EXO5: variants seen among roughly 807,000 people sequenced by gnomAD.
The protein encoded by EXO5 is exonuclease 5.
Under a neutral mutation model 17.8 loss-of-function variants are expected in EXO5, and 11 were observed. That is an observed-to-expected ratio of 0.62 (90% CI 0.39 to 1.02). EXO5 has a LOEUF of 1.02. Among genes scored for constraint, EXO5 ranks in the 50% least tolerant of loss-of-function variants. The pLI, the probability that EXO5 is intolerant of heterozygous loss-of-function variation, is 0.00. For synonymous variants in EXO5, 147 were observed against 166.5 expected, an observed-to-expected ratio of 0.88 and a Z score of 0.90; for missense variants, 364 against 434.8, an observed-to-expected ratio of 0.84 and a Z score of 1.45.
chr1:40,513,663 C>G (rs1178081224), intron 3 of EXO5, among the ~76,000 whole-genome samples: 1 of 150,858 alleles, frequency 6.6e-6, no homozygotes, highest in Non-Finnish European at 1.5e-5. Context: ...AGTCTCGGCT[C>G]ACTGCAACTT....
chr1:40,512,161 A>G (rs1043877803), intron 3 of EXO5, among the ~76,000 whole-genome samples: 13 of 152,054 alleles, frequency 8.5e-5, no homozygotes, highest in South Asian at 4.2e-4. Flanking sequence ...ACAGGCGTGA[A>G]CCACTGCGCT....
chr1:40,512,585 T>C (rs1299084014), intron 3 of EXO5, among the ~76,000 whole-genome samples: 2 of 152,202 alleles, frequency 1.3e-5, no homozygotes, highest in African/African-American at 4.8e-5. Context: ...TTCTTTCTAC[T>C]TCTCTGTATG....
Position 40,515,400 on chromosome 1 carries a change from G to T in EXO5, c.856G>T (p.Val286Phe). 1 of 1,614,038 alleles carries T rather than the reference G, an allele frequency of 6.2e-7. No homozygotes were observed. Among genetic ancestry groups the T allele is most frequent in the Non-Finnish European group, 8.5e-7 (1 of 1,180,012 alleles). The change falls in exon 4 of 4, where the codon GTT becomes TTT. Residue 286 changes from valine to phenylalanine, a missense_variant. By Grantham distance (50) the Val-to-Phe change is conservative. Transcript: ENST00000415550. ...FLSLTLSDLP[V>F]IDILKIEYIH... Reference sequence around the variant, plus strand: ...GTCTCTAACACTGTCAGACCTCCCAGTTATTGATATCTTGAAGATTGAGTA... The same window carrying T: ...GTCTCTAACACTGTCAGACCTCCCATTTATTGATATCTTGAAGATTGAGTA...
Position 40,515,011 on chromosome 1 carries a change from C to T in EXO5, c.467C>T (p.Thr156Ile). 6.2e-7 allele frequency: 1 copy of T among 1,614,114 alleles called. No homozygotes were observed. The highest frequency in any genetic ancestry group is 8.5e-7 in the Non-Finnish European group (1 of 1,180,030). ...CTGAACATACTTTTGCTGATTCCTA[C>T]CCTGCAGTCAGAAGGGCACATCAGA... ...KFLNILLLIP[T>I]LQSEGHIREF... Residue 156 changes from threonine (T) to isoleucine (I), a missense_variant, in exon 4 of 4, where the codon ACC becomes ATC. Coordinates refer to ENST00000415550, the MANE Select transcript of EXO5 (RefSeq NM_001346953.2).
chr1:40,515,742 G>C lies in EXO5; in HGVS notation c.*76G>C, dbSNP rs916978822. The C allele has an allele frequency of 6.7e-7, 1 of 1,485,620 alleles. No individual in the cohort carries two copies. The highest frequency in any genetic ancestry group is 9.1e-7 in the Non-Finnish European group (1 of 1,103,818). 92.0% of individuals were successfully genotyped at this position (1,485,620 alleles called of 1,614,324 possible). A position where few individuals can be genotyped will look rare whatever the true frequency, so the allele number is the denominator to read the frequency against. ...TAAGCAAAAGAGGACCAGTCTCTGA[G>C]CTTGGCTTTTATGGAGAGTGTTCTT... On this transcript the variant is annotated 3_prime_UTR_variant, in exon 4 of 4. Coordinates refer to ENST00000415550, the MANE Select transcript of EXO5 (RefSeq NM_001346953.2).
intron 3 of EXO5, among the ~76,000 whole-genome samples, chr1:40,510,775 ATTTTAT>A (rs1306383079): frequency 6.6e-6 from 1 of 152,174 alleles, no homozygotes; most frequent in African/African-American, 2.4e-5. Flanking sequence ...TGTGAATTTT[ATTTTAT>A]TTTAATTAAA....
chr1:40,509,245 C>G (rs1645725716), intron 1 of EXO5: 1 of 152,432 alleles, frequency 6.6e-6, no homozygotes. Flanking sequence ...GGCAAACGCC[C>G]GCGGAGCCCA....
Position 40,514,787 on chromosome 1 carries a change from A to G in EXO5, c.243A>G (p.Leu81=), listed in dbSNP as rs918491703. The change falls in exon 4 of 4, where the codon TTA becomes TTG. Residue 81 remains leucine (L), a synonymous_variant. Transcript: ENST00000415550. Reference sequence around the variant, plus strand: ...TGGAGAGATTCCACCTTAAATATTTATATGTCACTGACCTGGCTACTCAGA... The same window carrying G: ...TGGAGAGATTCCACCTTAAATATTTGTATGTCACTGACCTGGCTACTCAGA... ...SPMERFHLKY[L]YVTDLATQNW... 1 of 1,614,182 alleles carries G rather than the reference A, an allele frequency of 6.2e-7. No individual in the cohort carries two copies. Among genetic ancestry groups the G allele is most frequent in the Non-Finnish European group, 8.5e-7 (1 of 1,180,032 alleles).
In EXO5 at chr1:40,515,022, G is replaced by C. The variant is rs953345007; in HGVS notation, c.478G>C (p.Glu160Gln). The C allele has an allele frequency of 6.8e-6, 11 of 1,614,048 alleles. No homozygotes were observed. Among genetic ancestry groups the C allele is most frequent in the African/African-American group, 1.3e-5 (1 of 74,920 alleles). ...ILLLIPTLQS[E>Q]GHIREFPVFG... ...TTTGCTGATTCCTACCCTGCAGTCA[G>C]AAGGGCACATCAGAGAGTTTCCAGT... is the stretch of plus-strand genomic sequence containing the variant. Residue 160 changes from glutamate to glutamine, a missense_variant, in exon 4 of 4, where the codon GAA (glutamate) becomes CAA (glutamine). Glu to Gln is a conservative substitution (Grantham distance 29). Transcript: ENST00000415550.
intron 3 of EXO5, among the ~76,000 whole-genome samples, chr1:40,513,148 A>G (rs1392152867): frequency 6.6e-6 from 1 of 152,176 alleles, no homozygotes. Context: ...GGAGGGAGAA[A>G]ATAAACTTAA....
Position 40,515,369 on chromosome 1 carries a change from C to T in EXO5, c.825C>T (p.Val275=). The T allele has an allele frequency of 6.2e-7, 1 of 1,614,020 alleles. No homozygotes were observed. Among genetic ancestry groups the T allele is most frequent in the Admixed American group, 1.7e-5 (1 of 59,998 alleles). ...CTTTGGGTGACCTCATGGAACTTGT[C>T]TTCTTGTCTCTAACACTGTCAGACC... ...VKSLGDLMEL[V]FLSLTLSDLP... Residue 275 remains valine (V), a synonymous_variant, in exon 4 of 4, where the codon GTC becomes GTT. Transcript: ENST00000415550.
Position 40,514,620 on chromosome 1 carries a change from C to T in EXO5, c.76C>T (p.Leu26=). Residue 26 remains leucine (L), a synonymous_variant, in exon 4 of 4, where the codon CTG becomes TTG. Coordinates refer to ENST00000415550, the MANE Select transcript of EXO5 (RefSeq NM_001346953.2). The part of the protein sequence containing the change: ...GFSDLSDSEF[L]EFLDLEDAQE... Reference sequence around the variant, plus strand: ...CTCAGACTTGAGTGACTCAGAGTTCCTGGAGTTTCTGGACCTAGAAGATGC... The same window carrying T: ...CTCAGACTTGAGTGACTCAGAGTTCTTGGAGTTTCTGGACCTAGAAGATGC... 1 of 1,614,148 alleles carries T rather than the reference C, an allele frequency of 6.2e-7. No homozygotes were observed. Among genetic ancestry groups the T allele is most frequent in the Admixed American group, 1.7e-5 (1 of 60,012 alleles).
chr1:40,509,043 C>T (rs1168812594), intron 1 of EXO5, 135 bp downstream of exon 1: 1 of 152,292 alleles, frequency 6.6e-6, no homozygotes, highest in African/African-American at 2.4e-5. Context: ...CCCTCACAGG[C>T]CGGGTTCCCG....
chr1:40,513,390 C>G (rs1570082322), intron 3 of EXO5, among the ~76,000 whole-genome samples: 1 of 152,084 alleles, frequency 6.6e-6, no homozygotes, highest in Non-Finnish European at 1.5e-5. Flanking sequence ...TCCTTTTTCT[C>G]AAGGAACAGT....
chr1:40,514,489 A>G (rs1001659184), intron 3 of EXO5, 26 bp from the exon 4 acceptor site: 96 of 1,498,060 alleles, frequency 6.4e-5, no homozygotes, highest in Non-Finnish European at 7.3e-5. Context: ...TATTTGAACA[A>G]TGCATTTCTT....
intron 3 of EXO5, among the ~76,000 whole-genome samples, chr1:40,513,958 G>A (rs1173005283): frequency 6.6e-6 from 1 of 151,940 alleles, no homozygotes; most frequent in Non-Finnish European, 1.5e-5. Context: ...CACACAGTAT[G>A]TTAGTGGAAG....
At position 40,515,693 on chromosome 1, in the gene EXO5, G is replaced by A; in HGVS notation, c.*27G>A. ...TAGAAGGTATGCTTTCAAGAATGTT[G>A]ATCCTTCCTGCTCCTGTTGTACCTA... On this transcript the variant is annotated 3_prime_UTR_variant, in exon 4 of 4. Coordinates refer to ENST00000415550, the MANE Select transcript of EXO5 (RefSeq NM_001346953.2). 6.3e-7 allele frequency: 1 copy of A among 1,591,114 alleles called. No homozygotes were observed. The highest frequency in any genetic ancestry group is 8.6e-7 in the Non-Finnish European group (1 of 1,168,948).
intron 3 of EXO5, among the ~76,000 whole-genome samples, chr1:40,511,049 C>T (rs1457748992): frequency 2.0e-5 from 3 of 152,072 alleles, no homozygotes; most frequent in African/African-American, 7.2e-5. Context: ...TCCTGGCTAA[C>T]ACGATGAAAC....
chr1:40,513,425 G>A (rs554450902), intron 3 of EXO5, among the ~76,000 whole-genome samples: 10 of 152,144 alleles, frequency 6.6e-5, no homozygotes, highest in South Asian at 2.1e-4. Flanking sequence ...CATTTTGCTC[G>A]TCAAGGACTT....
Sources: allele counts gnomAD v4.1 joint callset (sites outside exome capture counted in the v4.1 genomes callset), GRCh38; gene constraint gnomAD v4.1.1; transcripts MANE v1.5; gene names NCBI Gene and HGNC (gene_info 2026-07-23, HGNC 2026-07-21).